ANAPC10: variants seen among roughly 807,000 people sequenced by gnomAD.
ANAPC10 encodes the protein anaphase promoting complex subunit 10, also known as anaphase-promoting complex subunit 10.
A neutral mutation model predicts 22.0 loss-of-function variants in ANAPC10; 12 were observed. The ratio of observed to expected loss-of-function variants is 0.55; its 90% CI spans 0.35 to 0.88. ANAPC10 has a LOEUF of 0.88. Among genes scored for constraint, ANAPC10 ranks in the 40% least tolerant of loss-of-function variants. The pLI is 0.01. For synonymous variants in ANAPC10, 65 were observed against 69.5 expected, an observed-to-expected ratio of 0.94 and a Z score of 0.32; for missense variants, 188 against 220.9, an observed-to-expected ratio of 0.85 and a Z score of 0.94.
intron 2 of ANAPC10, among the ~76,000 whole-genome samples, chr4:145,090,584 T>C (rs977974957): frequency 6.6e-6 from 1 of 152,246 alleles, no homozygotes; most frequent in African/African-American, 2.4e-5. Context: ...GGAGTCTGTC[T>C]TGAATTCCAG....
intron 4 of ANAPC10, among the ~76,000 whole-genome samples, chr4:145,013,233 T>G (rs766210477): frequency 1.3e-5 from 2 of 152,042 alleles, no homozygotes; most frequent in African/African-American, 4.8e-5. Context: ...TTGATAAGGA[T>G]AGTATAAGAA....
intron 4 of ANAPC10, among the ~76,000 whole-genome samples, chr4:145,006,088 G>A (rs1733299875): frequency 6.6e-6 from 1 of 152,124 alleles, no homozygotes; most frequent in Non-Finnish European, 1.5e-5. Context: ...GGTTTTCTAA[G>A]TCTCTTTGTA....
Position 144,994,883 on chromosome 4 carries a change from G to C in ANAPC10, c.*490C>G, listed in dbSNP as rs1394143567. On this transcript the variant is annotated 3_prime_UTR_variant, in exon 5 of 5. Transcript: ENST00000507656. ...CCTAACACTAAGCTTATTTGACACT[G>C]TTTTTTAAAAGATCCAGTATTAAAA... The C allele has an allele frequency of 6.5e-6, 1 of 153,240 alleles. No individual in the cohort carries two copies. 9.5% of individuals were successfully genotyped at this position (153,240 alleles called of 1,614,324 possible). A position where few individuals can be genotyped will look rare whatever the true frequency, so the allele number is the denominator to read the frequency against.
At position 145,072,511 on chromosome 4, in the gene ANAPC10, G is replaced by C. The variant is rs34136811; in HGVS notation, c.207-7819C>G. ...AAACTTGTTTGTAATATAATTTTTT[G>C]AATACAGGAATTTCTTCCATTAGTA... On this transcript the variant is annotated intron_variant, in intron 3 of 4. Transcript: ENST00000507656. 4.4e-3 allele frequency among the ~76,000 whole-genome samples: 669 copies of C among 152,142 alleles called. 3 individuals are homozygous for C. The highest frequency in any genetic ancestry group is 0.015 in the African/African-American group (615 of 41,502).
rs201073598 is a variant in ANAPC10, at chr4:145,081,800, T to C, written c.116-50A>G. 4.6e-5 allele frequency: 58 copies of C among 1,253,220 alleles called. No individual in the cohort carries two copies. In the South Asian group the frequency reaches 7.0e-4, roughly 15 times the overall value. The allele number at this position is 1,253,220 out of a possible 1,614,324, so 77.6% of individuals were successfully genotyped here. A position where few individuals can be genotyped will look rare whatever the true frequency, so the allele number is the denominator to read the frequency against. ...AATCCCTGTGAAAAAGAAACAACTA[T>C]ACATGCAAAACATAAAATTAACATA... On this transcript the variant is annotated intron_variant, in intron 2 of 4. Coordinates refer to ENST00000507656, the MANE Select transcript of ANAPC10 (RefSeq NM_001256706.2).
At chr4:145,006,460 A>G (rs149561404) in intron 4 of ANAPC10, among the ~76,000 whole-genome samples, 190 of 152,246 alleles carry the variant, frequency 1.2e-3, no homozygotes, top group Non-Finnish European at 2.2e-3. Context: ...AATGAATAAA[A>G]GAATGTAGGG....
chr4:145,039,946 T>C (rs1739249656), intron 4 of ANAPC10, among the ~76,000 whole-genome samples: 1 of 152,118 alleles, frequency 6.6e-6, no homozygotes, highest in South Asian at 2.1e-4. Context: ...GAGGCTAACA[T>C]TCCAAGGTTC....
intron 4 of ANAPC10, among the ~76,000 whole-genome samples, chr4:145,024,364 T>C (rs1013684102): frequency 6.6e-6 from 1 of 152,184 alleles, no homozygotes; most frequent in African/African-American, 2.4e-5. Flanking sequence ...AGATTTTCAA[T>C]TTACTTTGCC....
chr4:145,034,274 T>C (rs1738101812), intron 4 of ANAPC10, among the ~76,000 whole-genome samples: 1 of 152,058 alleles, frequency 6.6e-6, no homozygotes, highest in Non-Finnish European at 1.5e-5. Context: ...GATCCACCCT[T>C]AATCTAGTGG....
intron 4 of ANAPC10, among the ~76,000 whole-genome samples, chr4:145,058,150 A>G (rs1742342179): frequency 1.3e-5 from 2 of 152,202 alleles, no homozygotes; most frequent in African/African-American, 4.8e-5. Context: ...TTACATCACA[A>G]TATATGTGTT....
chr4:145,093,362 G>C (rs961539724), intron 2 of ANAPC10, among the ~76,000 whole-genome samples: 1 of 151,470 alleles, frequency 6.6e-6, no homozygotes, highest in Non-Finnish European at 1.5e-5. Flanking sequence ...AAGGACAAAT[G>C]ATAGAAAAAA....
chr4:145,094,618 A>G (rs569994310), intron 2 of ANAPC10, among the ~76,000 whole-genome samples: 2 of 152,364 alleles, frequency 1.3e-5, no homozygotes, highest in South Asian at 2.1e-4. Context: ...GATGACTACT[A>G]AACTAATAAC....
intron 4 of ANAPC10, among the ~76,000 whole-genome samples, chr4:145,059,963 T>C (rs1032524512): frequency 2.5e-4 from 38 of 152,158 alleles, no homozygotes; most frequent in African/African-American, 9.1e-4. Context: ...AAAACTACCA[T>C]CTTGATTTGA....
rs111906910 is a variant in ANAPC10 at position 145,051,734 on chromosome 4, T to C, written c.327+12838A>G. The stretch of plus-strand genomic sequence containing the variant: ...CATAGTTATTATTGCATACAGTTAT[T>C]GTAAAGAGACATTCTATATAAACTA... On this transcript the variant is annotated intron_variant, in intron 4 of 4. Coordinates refer to ENST00000507656, the MANE Select transcript of ANAPC10 (RefSeq NM_001256706.2). Among the ~76,000 whole-genome samples the C allele has an allele frequency of 3.1e-3, 473 of 152,254 alleles. 1 individual carries two copies. The highest frequency in any genetic ancestry group is 0.011 in the African/African-American group (443 of 41,542).
chr4:145,034,393 CT>C (rs960213289), intron 4 of ANAPC10, among the ~76,000 whole-genome samples: 1 of 151,938 alleles, frequency 6.6e-6, no homozygotes, highest in African/African-American at 2.4e-5. Flanking sequence ...TGGATGCCTC[CT>C]GCCCTTGAAC....
In ANAPC10 at chr4:144,995,149, TC is replaced by T. The variant is rs776731300; in HGVS notation, c.*223del. On this transcript the variant is annotated 3_prime_UTR_variant, in exon 5 of 5. Transcript: ENST00000507656. ...ACAAGGGAAAATAAAATGATTGGCTTCAAATCCATTTTTAGTAATGTAAAAT... is the reference window on the plus strand; with the variant it reads ...ACAAGGGAAAATAAAATGATTGGCTTAAATCCATTTTTAGTAATGTAAAAT... The T allele has an allele frequency of 6.4e-6, 2 of 312,534 alleles. No individual in the cohort carries two copies. The highest frequency in any genetic ancestry group is 2.2e-5 in the African/African-American group (1 of 46,360). The allele number at this position is 312,534 out of a possible 1,614,324, so 19.4% of individuals were successfully genotyped here. A position where few individuals can be genotyped will look rare whatever the true frequency, so the allele number is the denominator to read the frequency against.
chr4:145,097,692 A>C, intron 1 of ANAPC10: 1 of 425,242 alleles, frequency 2.4e-6, no homozygotes, highest in Non-Finnish European at 4.5e-6. Flanking sequence ...ACTTGCCTGC[A>C]AGTTAGGTGA....
At chr4:145,064,775 CAT>C in intron 3 of ANAPC10, 83 bp from the exon 4 acceptor site, 1 of 1,211,162 alleles carries the variant, frequency 8.3e-7, no homozygotes. Context: ...TTTTAAAAAT[CAT>C]AGTTTGCTAA....
intron 4 of ANAPC10, among the ~76,000 whole-genome samples, chr4:145,037,943 T>C (rs939526110): frequency 1.4e-4 from 16 of 116,210 alleles, no homozygotes; most frequent in African/African-American, 5.6e-4. Context: ...CAAAACCCTG[T>C]CTCAAAAAAA....
Sources: allele counts gnomAD v4.1 joint callset (sites outside exome capture counted in the v4.1 genomes callset), GRCh38; gene constraint gnomAD v4.1.1; transcripts MANE v1.5; gene names NCBI Gene and HGNC (gene_info 2026-07-23, HGNC 2026-07-21).